Variants in TMEM170B observed in about 807,000 individuals in gnomAD.
TMEM170B encodes transmembrane protein 170B.
TMEM170B carries 6 observed loss-of-function variants against 13.0 expected under a neutral mutation model. The observed-to-expected ratio is 0.46, with a 90% CI of 0.25 to 0.91. TMEM170B has a LOEUF of 0.91. Among genes scored for constraint, TMEM170B ranks in the 40% least tolerant of loss-of-function variants. The pLI is 0.17. For synonymous variants in TMEM170B, 61 were observed against 64.9 expected (o/e 0.94, Z 0.29); for missense variants, 138 against 165.2 (o/e 0.84, Z 0.90).
At position 11,583,389 on chromosome 6, in the gene TMEM170B, A is replaced by G. The variant is rs1439544807; in HGVS notation, c.*7828A>G. On this transcript the variant is annotated 3_prime_UTR_variant, in exon 3 of 3. Transcript: ENST00000379426. ...CTGATACACACAAGACAACTGTTAA[A>G]AAGTGAATCCAGCACTTAAATGTCA... 1.3e-5 allele frequency: 2 copies of G among 152,238 alleles called. No homozygotes were observed. The highest frequency in any genetic ancestry group is 2.9e-5 in the Non-Finnish European group (2 of 68,042). 9.4% of individuals were successfully genotyped at this position (152,238 alleles called of 1,614,324 possible).
At position 11,581,599 on chromosome 6, in the gene TMEM170B, C is replaced by A. The variant is rs137931906; in HGVS notation, c.*6038C>A. On this transcript the variant is annotated 3_prime_UTR_variant, in exon 3 of 3. Transcript: ENST00000379426. ...AGAGGAATTGCGGTGCATAATCAAT[C>A]GTCTGAGTCCCATAACTGTAACACT... 1.3e-5 allele frequency: 2 copies of A among 152,126 alleles called. No individual in the cohort carries two copies. Among genetic ancestry groups the A allele is most frequent in the Non-Finnish European group, 2.9e-5 (2 of 68,014 alleles). The allele number at this position is 152,126 out of a possible 1,614,324, so 9.4% of individuals were successfully genotyped here.
At chr6:11,538,398 G>A in intron 1 of TMEM170B, 24 bp downstream of exon 1, 1 of 1,480,392 alleles carries the variant, frequency 6.8e-7, no homozygotes, top group South Asian at 1.3e-5. Flanking sequence ...CTGGGCTGGG[G>A]ACGGGGATGC....
Position 11,577,572 on chromosome 6 carries a change from A to T in TMEM170B, c.*2011A>T, listed in dbSNP as rs1269406689. 1.3e-5 allele frequency: 2 copies of T among 152,166 alleles called. No homozygotes were observed. The highest frequency in any genetic ancestry group is 1.3e-4 in the Admixed American group (2 of 15,282). The allele number at this position is 152,166 out of a possible 1,614,324, so 9.4% of individuals were successfully genotyped here. ...ATCTCCAGAATGAATACTTATTTTA[A>T]CATATGTTTATTTTATGATTTAAGA... On this transcript the variant is annotated 3_prime_UTR_variant, in exon 3 of 3. Transcript: ENST00000379426.
rs946131694 is a variant in TMEM170B at position 11,580,631 on chromosome 6, A to G, written c.*5070A>G. The G allele has an allele frequency of 6.6e-5, 10 of 152,240 alleles. No homozygotes were observed. The highest frequency in any genetic ancestry group is 1.5e-4 in the Non-Finnish European group (10 of 68,048). 9.4% of individuals were successfully genotyped at this position (152,240 alleles called of 1,614,324 possible). On this transcript the variant is annotated 3_prime_UTR_variant, in exon 3 of 3. Coordinates refer to ENST00000379426, the MANE Select transcript of TMEM170B (RefSeq NM_001100829.3). ...TCTGAATTGTTAAAACGGACCAATA[A>G]TCAAATGGTTTTATAATCTTTCTTA...
In TMEM170B at chr6:11,583,266, A is replaced by G. The variant is rs929937361; in HGVS notation, c.*7705A>G. On this transcript the variant is annotated 3_prime_UTR_variant, in exon 3 of 3. Coordinates refer to ENST00000379426, the MANE Select transcript of TMEM170B (RefSeq NM_001100829.3). The stretch of plus-strand genomic sequence containing the variant: ...GGTTCCAATTCATTGCTTTAAGGAA[A>G]AGATGCACAATTACTATCATTCAGT... The G allele has an allele frequency of 6.6e-6, 1 of 152,202 alleles. No homozygotes were observed. Among genetic ancestry groups the G allele is most frequent in the Non-Finnish European group, 1.5e-5 (1 of 68,034 alleles). 9.4% of individuals were successfully genotyped at this position (152,202 alleles called of 1,614,324 possible).
rs985475924 is a variant in TMEM170B, at chr6:11,575,249, G to A, written c.269-182G>A. On this transcript the variant is annotated intron_variant, in intron 2 of 2. Coordinates refer to ENST00000379426, the MANE Select transcript of TMEM170B (RefSeq NM_001100829.3). This position sits in a 1 kb window ranked among gnomAD's most constrained non-coding sequence, Gnocchi z 4.1. ...CTGTTTTTCAAATAAGTGGCTAAGTGTATTATGGTAAGTTGTAACTTTCAC... is the reference window on the plus strand; with the variant it reads ...CTGTTTTTCAAATAAGTGGCTAAGTATATTATGGTAAGTTGTAACTTTCAC... Among the ~76,000 whole-genome samples, 3 of 152,026 alleles carry A rather than the reference G, an allele frequency of 2.0e-5. No individual in the cohort carries two copies. Among genetic ancestry groups the A allele is most frequent in the South Asian group, 2.1e-4 (1 of 4,828 alleles).
Position 11,575,736 on chromosome 6 carries a change from C to T in TMEM170B, c.*175C>T. 1.5e-6 allele frequency: 1 copy of T among 645,594 alleles called. No homozygotes were observed. Among genetic ancestry groups the T allele is most frequent in the South Asian group, 2.1e-5 (1 of 48,754 alleles). The allele number at this position is 645,594 out of a possible 1,614,324, so 40.0% of individuals were successfully genotyped here. On this transcript the variant is annotated 3_prime_UTR_variant, in exon 3 of 3. Coordinates refer to ENST00000379426, the MANE Select transcript of TMEM170B (RefSeq NM_001100829.3). The surrounding 1 kb of genome is among the most constrained non-coding windows in gnomAD (Gnocchi z 4.1). ...TTGCCCTCTGGTGTTCAAGTGATTG[C>T]ACTACCGCACTGCACCTTATGTGCC...
rs1040483548 is a variant in TMEM170B at position 11,579,751 on chromosome 6, T to C, written c.*4190T>C. 6.6e-6 allele frequency: 1 copy of C among 152,232 alleles called. No homozygotes were observed. Among genetic ancestry groups the C allele is most frequent in the African/African-American group, 2.4e-5 (1 of 41,464 alleles). The allele number at this position is 152,232 out of a possible 1,614,324, so 9.4% of individuals were successfully genotyped here. On this transcript the variant is annotated 3_prime_UTR_variant, in exon 3 of 3. Coordinates refer to ENST00000379426, the MANE Select transcript of TMEM170B (RefSeq NM_001100829.3). ...GAGGTAGTCAGCCTTGACTCCCTTATCTATTCCCACTTACTTCCCTTGGAT... is the reference window on the plus strand; with the variant it reads ...GAGGTAGTCAGCCTTGACTCCCTTACCTATTCCCACTTACTTCCCTTGGAT...
chr6:11,553,649 A>G (rs114170343), intron 1 of TMEM170B, among the ~76,000 whole-genome samples: 2 of 152,330 alleles, frequency 1.3e-5, no homozygotes, highest in Non-Finnish European at 2.9e-5. Flanking sequence ...GAGCTGATCT[A>G]GAAATTTTAT....
At chr6:11,564,205 A>T (rs946683478) in intron 1 of TMEM170B, among the ~76,000 whole-genome samples, 1 of 152,190 alleles carries the variant, frequency 6.6e-6, no homozygotes, top group East Asian at 1.9e-4. Context: ...GGGTGTGCCA[A>T]TATCTCTTTG....
At chr6:11,558,676 T>A (rs563606374) in intron 1 of TMEM170B, among the ~76,000 whole-genome samples, 3 of 152,320 alleles carry the variant, frequency 2.0e-5, no homozygotes, top group Admixed American at 6.5e-5. Context: ...GTTAATTTTT[T>A]AAAAATTCAC....
intron 1 of TMEM170B, among the ~76,000 whole-genome samples, chr6:11,564,093 G>A (rs535567793): frequency 8.4e-4 from 128 of 152,310 alleles, no homozygotes; most frequent in Admixed American, 1.6e-3. Flanking sequence ...TTTTAAAACT[G>A]AGTAATTTTT....
chr6:11,554,197 A>C (rs1416371874), intron 1 of TMEM170B, among the ~76,000 whole-genome samples: 2 of 152,108 alleles, frequency 1.3e-5, no homozygotes, highest in Admixed American at 6.5e-5. Context: ...TCCCATGGAA[A>C]TGTTATATTA....
chr6:11,556,278 T>A, intron 1 of TMEM170B, among the ~76,000 whole-genome samples: 1 of 152,226 alleles, frequency 6.6e-6, no homozygotes, highest in Middle Eastern at 3.2e-3. Context: ...TTGAGCTGAA[T>A]TTGAATTTTG....
chr6:11,559,243 G>A (rs1759629376), intron 1 of TMEM170B, among the ~76,000 whole-genome samples: 1 of 150,828 alleles, frequency 6.6e-6, no homozygotes, highest in Non-Finnish European at 1.5e-5. Flanking sequence ...ACCCAGGCTG[G>A]GGTGTGGTAG....
At chr6:11,560,722 A>AAGAT (rs2308123) in intron 1 of TMEM170B, among the ~76,000 whole-genome samples, 69,093 of 151,678 alleles carry the variant, frequency 0.46, 16,041 homozygotes, top group South Asian at 0.63. Context: ...TTATCTCTAA[A>AAGAT]AGCCATTGTT....
At position 11,581,927 on chromosome 6, in the gene TMEM170B, A is replaced by G. The variant is rs1178301641; in HGVS notation, c.*6366A>G. On this transcript the variant is annotated 3_prime_UTR_variant, in exon 3 of 3. Coordinates refer to ENST00000379426, the MANE Select transcript of TMEM170B (RefSeq NM_001100829.3). ...ATGAGTTGATAGTTTAACTGTTGAC[A>G]CTTTCTTAATGTTTTTGATGTTGGA... The G allele has an allele frequency of 6.6e-6, 1 of 152,176 alleles. No homozygotes were observed. The highest frequency in any genetic ancestry group is 1.9e-4 in the East Asian group (1 of 5,206). 9.4% of individuals were successfully genotyped at this position (152,176 alleles called of 1,614,324 possible).
Position 11,580,361 on chromosome 6 carries a change from T to C in TMEM170B, c.*4800T>C, listed in dbSNP as rs1759938826. ...TATTATTTTAAATTTATGTTCATTA[T>C]GTAATTCAGGGAGTAACGATGCCTG... is the stretch of plus-strand genomic sequence containing the variant. On this transcript the variant is annotated 3_prime_UTR_variant, in exon 3 of 3. Transcript: ENST00000379426. 2 of 152,182 alleles carry C rather than the reference T, an allele frequency of 1.3e-5. No individual in the cohort carries two copies. Among genetic ancestry groups the C allele is most frequent in the South Asian group, 4.1e-4 (2 of 4,826 alleles). 9.4% of individuals were successfully genotyped at this position (152,182 alleles called of 1,614,324 possible).
intron 1 of TMEM170B, among the ~76,000 whole-genome samples, chr6:11,557,089 CTG>C (rs1268955995): frequency 6.6e-6 from 1 of 152,148 alleles, no homozygotes; most frequent in Non-Finnish European, 1.5e-5. Context: ...CTTTAACAAT[CTG>C]TAAAAATTGT....
Sources: gnomAD v4.1 joint callset for allele counts (sites outside exome capture counted in the v4.1 genomes callset) on GRCh38, gnomAD v4.1.1 for gene constraint, Gnocchi (gnomAD v3.1) non-coding constraint, MANE v1.5 for transcripts, NCBI Gene and HGNC (gene_info 2026-07-23, HGNC 2026-07-21) for gene names.